The following CYP2A6 variants were observed in gnomAD, a reference collection of about 807,000 sequenced individuals.
CYP2A6 encodes the protein cytochrome P450 family 2 subfamily A member 6, also known as cytochrome P450 2A6.
CYP2A6 carries 27 observed loss-of-function variants against 42.3 expected under a neutral mutation model. The observed-to-expected ratio is 0.64, with a 90% confidence interval of 0.47 to 0.88. The LOEUF (loss-of-function observed/expected upper bound fraction) is 0.88, where lower values mean the gene tolerates loss of function less well. CYP2A6 is among the 40% of genes least tolerant of loss of function. The pLI, the probability that CYP2A6 is intolerant of heterozygous loss-of-function variation, is 0.00. For missense variants in CYP2A6, 628 were observed against 646.0 expected (o/e 0.97, Z 0.30); for synonymous variants, 238 against 246.3 (o/e 0.97, Z 0.31).
rs1276819995 is a variant in CYP2A6, at chr19:40,850,311, G to A, written c.116C>T (p.Pro39Leu). 3.1e-6 allele frequency: 5 copies of A among 1,610,024 alleles called. No individual in the cohort carries two copies. In the East Asian group the frequency reaches 1.2e-4, roughly 37 times the overall value. The change falls in exon 1 of 9, where the codon CCA (proline) becomes CTA (leucine). Residue 39 changes from proline to leucine, a missense_variant. Around this residue, in one of 2 missense-constraint regions of CYP2A6, gnomAD observed 606 missense variants for 568.1 expected, o/e 1.07. Transcript: ENST00000301141. ...SKGKLPPGPT[P>L]LPFIGNYLQL... is the part of the protein sequence containing the mutation. Reference sequence around the variant, plus strand: ...CAGGTAGTTTCCAATGAAGGGCAATGGGGTGGGTCCCGGAGGCAGCTTCCC... The same window carrying A: ...CAGGTAGTTTCCAATGAAGGGCAATAGGGTGGGTCCCGGAGGCAGCTTCCC...
At position 40,846,979 on chromosome 19, in the gene CYP2A6, C is replaced by T. The variant is rs145148721; in HGVS notation, c.727G>A (p.Gly243Arg). ...PQQQAFQLLQ[G>R]LEDFIAKKVE... ...TTCTTGGCTATGAAGTCCTCCAGCC[C>T]TTGCAGCAACTGAAAGGCCTGTTGC... The change falls in exon 5 of 9, where the codon GGG (glycine) becomes AGG (arginine). Residue 243 changes from glycine to arginine, a missense_variant. Around this residue, in one of 2 missense-constraint regions of CYP2A6, gnomAD observed 606 missense variants for 568.1 expected, o/e 1.07. Coordinates refer to ENST00000301141, the MANE Select transcript of CYP2A6 (RefSeq NM_000762.6). 6 of 1,611,890 alleles carry T rather than the reference C, an allele frequency of 3.7e-6. No homozygotes were observed. The African/African-American group carries it at 5.4e-5, about 14-fold the overall frequency.
At chr19:40,850,161 TC>T (rs1462982713) in intron 1 of CYP2A6, 85 bp downstream of exon 1, 3 of 1,557,434 alleles carry the variant, frequency 1.9e-6, no homozygotes, top group East Asian at 4.7e-5. Context: ...AAGACTCTGG[TC>T]CACACTGGTC....
At chr19:40,844,855 G>C (rs1228462210) in intron 7 of CYP2A6, 83 bp from the exon 8 acceptor site, 6 of 1,518,578 alleles carry the variant, frequency 4.0e-6, no homozygotes, top group Non-Finnish European at 4.4e-6. Flanking sequence ...GGGAACTAGT[G>C]TGCCCCAGGT....
intron 7 of CYP2A6, 67 bp downstream of exon 7, chr19:40,845,227 T>C: frequency 6.3e-7 from 1 of 1,593,650 alleles, no homozygotes; most frequent in Non-Finnish European, 8.6e-7. Context: ...CTAATGTGGG[T>C]GGGATGCTGG....
At chr19:40,850,010 G>GGAGA in intron 1 of CYP2A6, 30 bp from the exon 2 acceptor site, 2 of 1,608,214 alleles carry the variant, frequency 1.2e-6, no homozygotes. Context: ...GTGGTTAGAG[G>GGAGA]GAGAAGCCTC....
In CYP2A6 at chr19:40,843,612, G is replaced by A; in HGVS notation, c.*184C>T. 1 of 906,602 alleles carries A rather than the reference G, an allele frequency of 1.1e-6. No individual in the cohort carries two copies. The highest frequency in any genetic ancestry group is 2.0e-5 in the South Asian group (1 of 50,472). The allele number at this position is 906,602 out of a possible 1,614,324, so 56.2% of individuals were successfully genotyped here. A position where few individuals can be genotyped will look rare whatever the true frequency, so the allele number is the denominator to read the frequency against. On this transcript the variant is annotated 3_prime_UTR_variant, in exon 9 of 9. Transcript: ENST00000301141. ...TAAGGGTTTCCTTCCTCTCATCCCA[G>A]CTCGGAAGCACCTTATCAAGGTGAA...
At chr19:40,848,970 GA>G (rs1967156650) in intron 2 of CYP2A6, among the ~76,000 whole-genome samples, 2 of 122,934 alleles carry the variant, frequency 1.6e-5, no homozygotes, top group Non-Finnish European at 3.3e-5. Context: ...GAGAGAGAGA[GA>G]GAGAGAAGAG....
chr19:40,844,759 T>A lies in CYP2A6; in HGVS notation c.1175A>T (p.Tyr392Phe), dbSNP rs1809810. The A allele has an allele frequency of 0.013, 20,428 of 1,604,908 alleles. 454 individuals are homozygous for A. The highest frequency in any genetic ancestry group is 0.013 in the Non-Finnish European group (15,669 of 1,173,792). Residue 392 changes from tyrosine (Y) to phenylalanine (F), a missense_variant, in exon 8 of 9, where the codon TAC becomes TTC. Physicochemically the swap from Tyr to Phe is conservative, Grantham distance 22. Coordinates refer to ENST00000301141, the MANE Select transcript of CYP2A6 (RefSeq NM_000762.6). ...TCTCAGCACAGAGCCCAGCATAGGG[T>A]ACACTTCGGTGCCCTGGTAGGGAGG... is the stretch of plus-strand genomic sequence containing the variant. ...DFFLPKGTEVYPMLGSVLRDP... is the reference protein window; with the variant it reads ...DFFLPKGTEVFPMLGSVLRDP...
chr19:40,846,474 C>T (rs955317717), intron 5 of CYP2A6, among the ~76,000 whole-genome samples: 1 of 151,312 alleles, frequency 6.6e-6, no homozygotes, highest in Non-Finnish European at 1.5e-5. Flanking sequence ...ATGCGCATGA[C>T]CATGCAGGCT....
chr19:40,847,239 A>G (rs1312891220), intron 4 of CYP2A6, among the ~76,000 whole-genome samples, 188 bp from the exon 5 acceptor site: 2 of 151,584 alleles, frequency 1.3e-5, no homozygotes, highest in Non-Finnish European at 2.9e-5. Context: ...TACCAGGGCC[A>G]CGGTCTAGTA....
chr19:40,848,062 G>A (rs1305038698), intron 4 of CYP2A6, among the ~76,000 whole-genome samples, 157 bp downstream of exon 4: 1 of 151,330 alleles, frequency 6.6e-6, no homozygotes, highest in Admixed American at 6.6e-5. Flanking sequence ...CATCCATCCT[G>A]GGTTCTGGTG....
intron 2 of CYP2A6, 75 bp downstream of exon 2, chr19:40,849,743 G>C: frequency 6.3e-7 from 1 of 1,591,166 alleles, no homozygotes; most frequent in South Asian, 1.1e-5. Context: ...TGGCAGGAGA[G>C]TCAGGGAGAA....
intron 6 of CYP2A6, 116 bp downstream of exon 6, chr19:40,845,840 G>A (rs1343094956): frequency 1.6e-5 from 24 of 1,475,980 alleles, no homozygotes; most frequent in Non-Finnish European, 2.2e-5. Flanking sequence ...CCCTGTCTCT[G>A]GACAGCAAGT....
chr19:40,846,130 C>T, intron 5 of CYP2A6, 33 bp from the exon 6 acceptor site: 1 of 1,608,896 alleles, frequency 6.2e-7, no homozygotes. Context: ...GCCAACCTCA[C>T]TCCTCTTGCC....
intron 2 of CYP2A6, among the ~76,000 whole-genome samples, chr19:40,849,448 G>C (rs569849001): frequency 2.6e-5 from 4 of 151,342 alleles, no homozygotes; most frequent in African/African-American, 9.7e-5. Context: ...AAAGGGATGC[G>C]GAGAGATGAG....
chr19:40,848,806 C>A, intron 2 of CYP2A6, 43 bp from the exon 3 acceptor site: 2 of 1,578,726 alleles, frequency 1.3e-6, no homozygotes, highest in South Asian at 1.1e-5. Context: ...CAGGGGGCGG[C>A]AGGGGCAGGA....
intron 2 of CYP2A6, among the ~76,000 whole-genome samples, 176 bp from the exon 3 acceptor site, chr19:40,848,939 GTA>G (rs1491582328): frequency 1.9e-5 from 1 of 51,664 alleles, no homozygotes; most frequent in African/African-American, 8.1e-5. Flanking sequence ...CGATGTCGAG[GTA>G]GAGAGAGAGA....
At chr19:40,844,104 A>T in intron 8 of CYP2A6, 127 bp from the exon 9 acceptor site, 1 of 1,448,692 alleles carries the variant, frequency 6.9e-7, no homozygotes. Context: ...AGAGAGTTTC[A>T]GAGGAGGCTC....
Position 40,850,002 on chromosome 19 carries a change from G to T in CYP2A6, c.181-22C>A, listed in dbSNP as rs1599781036. 3.7e-6 allele frequency: 6 copies of T among 1,609,132 alleles called. 1 individual carries two copies. Among genetic ancestry groups the T allele is most frequent in the East Asian group, 2.3e-5 (1 of 43,338 alleles). ...TGATCTGATGGAGGTGGGTGGGAGTGGTTAGAGGGAGAAGCCTCCACTCTG... is the reference window on the plus strand; with the variant it reads ...TGATCTGATGGAGGTGGGTGGGAGTTGTTAGAGGGAGAAGCCTCCACTCTG... On this transcript the variant is annotated intron_variant, in intron 1 of 8. Coordinates refer to ENST00000301141, the MANE Select transcript of CYP2A6 (RefSeq NM_000762.6).
Sources: allele counts gnomAD v4.1 joint callset (sites outside exome capture counted in the v4.1 genomes callset), GRCh38; gene constraint gnomAD v4.1.1; regional missense constraint gnomAD v4.1.1; transcripts MANE v1.5; gene names NCBI Gene and HGNC (gene_info 2026-07-23, HGNC 2026-07-21).